The following UNC5D variants were observed in gnomAD, a reference collection of about 807,000 sequenced individuals.
The protein encoded by UNC5D is unc-5 netrin receptor D, also known as netrin receptor UNC5D.
A neutral mutation model predicts 105.4 loss-of-function variants in UNC5D; 39 were observed. That is an observed-to-expected ratio of 0.37 (90% CI 0.29 to 0.48). UNC5D has a LOEUF of 0.48. Ranked by LOEUF, UNC5D falls within the 20% of genes least tolerant of loss-of-function variation. UNC5D has a pLI of 0.98. For synonymous variants in UNC5D, 452 were observed against 450.4 expected, an observed-to-expected ratio of 1.00 and a Z score of -0.04; for missense variants, 991 against 1,202.4, an observed-to-expected ratio of 0.82 and a Z score of 2.60.
At chr8:35,312,984 T>G (rs943108347) in intron 1 of UNC5D, among the ~76,000 whole-genome samples, 3 of 152,222 alleles carry the variant, frequency 2.0e-5, no homozygotes, top group African/African-American at 7.2e-5. Context: ...GATGGTGAGA[T>G]AGTTCTGTCA....
intron 1 of UNC5D, among the ~76,000 whole-genome samples, chr8:35,340,060 A>G (rs1321016869): frequency 6.6e-6 from 1 of 152,172 alleles, no homozygotes; most frequent in Non-Finnish European, 1.5e-5. Flanking sequence ...ACTGCTCTAA[A>G]ATTATCCTAG....
rs370799109 is a variant in UNC5D, at chr8:35,282,487, G to A, written c.103+46600G>A. ...TGTCACATGTGAAGTCTCTTCAATAGGGCATAAGGAGTTGTCAGGAAGGGG... is the reference window on the plus strand; with the variant it reads ...TGTCACATGTGAAGTCTCTTCAATAAGGCATAAGGAGTTGTCAGGAAGGGG... On this transcript the variant is annotated intron_variant, in intron 1 of 16. Coordinates refer to ENST00000404895, the MANE Select transcript of UNC5D (RefSeq NM_080872.4). 2.0e-5 allele frequency among the ~76,000 whole-genome samples: 3 copies of A among 152,016 alleles called. No individual in the cohort carries two copies. In the East Asian group the frequency reaches 5.8e-4, roughly 29 times the overall value.
intron 2 of UNC5D, among the ~76,000 whole-genome samples, chr8:35,557,340 T>G (rs1816627441): frequency 6.6e-6 from 1 of 152,176 alleles, no homozygotes; most frequent in African/African-American, 2.4e-5. Context: ...GTGGAGTGCT[T>G]ATTATCCTGG....
At chr8:35,622,390 G>T (rs144702876) in intron 4 of UNC5D, among the ~76,000 whole-genome samples, 1,865 of 152,168 alleles carry the variant, frequency 0.012, 35 homozygotes, top group African/African-American at 0.042. Flanking sequence ...TCCTGAGAGG[G>T]AGACATTATT....
At chr8:35,321,460 G>C (rs1028996032) in intron 1 of UNC5D, among the ~76,000 whole-genome samples, 2 of 152,082 alleles carry the variant, frequency 1.3e-5, no homozygotes, top group African/African-American at 4.8e-5. Context: ...AGTTCCTCCT[G>C]TGTTTATTCC....
chr8:35,571,526 A>G (rs1016427906), intron 3 of UNC5D, among the ~76,000 whole-genome samples: 1 of 152,080 alleles, frequency 6.6e-6, no homozygotes, highest in Non-Finnish European at 1.5e-5. Context: ...AACTAGTGTA[A>G]TGGCATCAAA....
At chr8:35,287,835 T>A (rs1170044506) in intron 1 of UNC5D, among the ~76,000 whole-genome samples, 4 of 151,792 alleles carry the variant, frequency 2.6e-5, no homozygotes, top group African/African-American at 9.7e-5. Flanking sequence ...AATAAATAAA[T>A]AAATATACTT....
In UNC5D at chr8:35,791,427, T is replaced by C. The variant is rs113985845; in HGVS notation, c.*864T>C. The stretch of plus-strand genomic sequence containing the variant: ...TACATGGATATGGGGACAGGAGAGA[T>C]TAAAGCAGGTTCAAAAACACATGAA... On this transcript the variant is annotated 3_prime_UTR_variant, in exon 17 of 17. Coordinates refer to ENST00000404895, the MANE Select transcript of UNC5D (RefSeq NM_080872.4). The C allele has an allele frequency of 6.6e-6, 1 of 152,268 alleles. No individual in the cohort carries two copies. Among genetic ancestry groups the C allele is most frequent in the African/African-American group, 2.4e-5 (1 of 41,552 alleles). 9.4% of individuals were successfully genotyped at this position (152,268 alleles called of 1,614,324 possible). A position where few individuals can be genotyped will look rare whatever the true frequency, so the allele number is the denominator to read the frequency against.
chr8:35,756,742 C>T (rs1203812770), intron 13 of UNC5D, among the ~76,000 whole-genome samples: 3 of 152,050 alleles, frequency 2.0e-5, no homozygotes, highest in Non-Finnish European at 2.9e-5. Flanking sequence ...AAATAAGGCA[C>T]TTGGTGCTCT....
At chr8:35,755,365 T>C (rs1174620928) in intron 13 of UNC5D, among the ~76,000 whole-genome samples, 2 of 152,160 alleles carry the variant, frequency 1.3e-5, no homozygotes, top group East Asian at 3.9e-4. Context: ...GAATCTAATT[T>C]CAAAGGATTT....
intron 1 of UNC5D, among the ~76,000 whole-genome samples, chr8:35,279,371 T>C (rs766048220): frequency 2.6e-5 from 4 of 152,216 alleles, no homozygotes; most frequent in Non-Finnish European, 5.9e-5. Flanking sequence ...AGAGATGACA[T>C]TGGGAATAGG....
intron 1 of UNC5D, among the ~76,000 whole-genome samples, chr8:35,266,767 C>T (rs894438241): frequency 6.6e-6 from 1 of 150,994 alleles, no homozygotes; most frequent in African/African-American, 2.4e-5. Context: ...ATATCTAATA[C>T]CTTGGTGAAG....
intron 1 of UNC5D, among the ~76,000 whole-genome samples, chr8:35,422,429 T>A (rs1192076245): frequency 1.3e-5 from 2 of 152,210 alleles, no homozygotes; most frequent in Non-Finnish European, 2.9e-5. Context: ...ACAATATTCT[T>A]TCATTGTCAG....
intron 8 of UNC5D, among the ~76,000 whole-genome samples, chr8:35,710,953 T>A (rs1037498870): frequency 2.1e-4 from 26 of 125,894 alleles, no homozygotes; most frequent in Admixed American, 5.1e-4. Flanking sequence ...TTTTTTTTTT[T>A]TTTGAGACGG....
chr8:35,668,286 T>C (rs2131263768), intron 4 of UNC5D, among the ~76,000 whole-genome samples: 1 of 152,254 alleles, frequency 6.6e-6, no homozygotes, highest in African/African-American at 2.4e-5. Flanking sequence ...GGGTGCTTTT[T>C]ATATATTACA....
At chr8:35,295,112 T>C (rs1008149936) in intron 1 of UNC5D, among the ~76,000 whole-genome samples, 2 of 152,172 alleles carry the variant, frequency 1.3e-5, no homozygotes, top group African/African-American at 4.8e-5. Flanking sequence ...TAATACAGTG[T>C]GGACTATAGT....
chr8:35,339,578 A>ATG (rs1407312276), intron 1 of UNC5D, among the ~76,000 whole-genome samples: 1 of 152,228 alleles, frequency 6.6e-6, no homozygotes, highest in Non-Finnish European at 1.5e-5. Context: ...GGAAACACGG[A>ATG]TGTGTGTTGA....
chr8:35,271,165 A>C (rs575719578), intron 1 of UNC5D, among the ~76,000 whole-genome samples: 1 of 150,156 alleles, frequency 6.7e-6, no homozygotes, highest in East Asian at 2.0e-4. Context: ...TTGTCATTCA[A>C]CAAATATATT....
At chr8:35,637,285 A>G (rs544355221) in intron 4 of UNC5D, among the ~76,000 whole-genome samples, 1 of 152,316 alleles carries the variant, frequency 6.6e-6, no homozygotes, top group East Asian at 1.9e-4. Flanking sequence ...GGTCACAAAG[A>G]GACTCTAGCA....
Sources: allele counts gnomAD v4.1 joint callset (sites outside exome capture counted in the v4.1 genomes callset), GRCh38; gene constraint gnomAD v4.1.1; transcripts MANE v1.5; gene names NCBI Gene and HGNC (gene_info 2026-07-23, HGNC 2026-07-21).